ABCA1: variants seen among roughly 807,000 people sequenced by gnomAD.
ABCA1 encodes ATP binding cassette subfamily A member 1, also known as phospholipid-transporting ATPase ABCA1.
Under a neutral mutation model 262.5 loss-of-function variants are expected in ABCA1, and 133 were observed. The observed-to-expected ratio is 0.51, with a 90% CI of 0.44 to 0.59. The LOEUF is 0.59. Ranked by LOEUF, ABCA1 falls within the 20% of genes least tolerant of loss-of-function variation. ABCA1 has a pLI of 0.00. For missense variants in ABCA1, 2,452 were observed against 2,777.5 expected (o/e 0.88, Z 2.63); for synonymous variants, 1,022 against 1,043.5 (o/e 0.98, Z 0.40).
chr9:104,784,454 A>G lies in ABCA1; in HGVS notation c.6647T>C (p.Val2216Ala). ...YSVSQTTLDQ[V>A]FVNFAKDQSD... ...TTGGTCCTTGGCAAAGTTCACAAATACCTGTTAAAAGATTAAGATGGACCT... is the reference window on the plus strand; with the variant it reads ...TTGGTCCTTGGCAAAGTTCACAAATGCCTGTTAAAAGATTAAGATGGACCT... Residue 2216 changes from valine (V) to alanine (A), a missense_variant and splice_region_variant, in exon 50 of 50, where the codon GTA (valine) becomes GCA (alanine). By Grantham distance (64) the Val-to-Ala change is moderately conservative. Coordinates refer to ENST00000374736, the MANE Select transcript of ABCA1 (RefSeq NM_005502.4). 6.2e-7 allele frequency: 1 copy of G among 1,614,058 alleles called. No individual in the cohort carries two copies. Among genetic ancestry groups the G allele is most frequent in the Non-Finnish European group, 8.5e-7 (1 of 1,179,980 alleles).
At chr9:104,926,033 A>G (rs1254577226) in intron 1 of ABCA1, among the ~76,000 whole-genome samples, 1 of 152,174 alleles carries the variant, frequency 6.6e-6, no homozygotes, top group African/African-American at 2.4e-5. Context: ...AAAAGAAAAA[A>G]AAATCAAGAA....
intron 5 of ABCA1, among the ~76,000 whole-genome samples, chr9:104,863,752 T>A (rs751071820): frequency 3.2e-4 from 49 of 152,240 alleles, no homozygotes; most frequent in Admixed American, 5.2e-4. Context: ...CCAGTAGCTG[T>A]TCTTAGGCCC....
intron 6 of ABCA1, among the ~76,000 whole-genome samples, chr9:104,860,755 C>CTTTTTTTTTTTTTT (rs762423202): frequency 8.6e-6 from 1 of 115,864 alleles, no homozygotes; most frequent in East Asian, 2.6e-4. Flanking sequence ...TTATAAAATT[C>CTTTTTTTTTTTTTT]TTTTTTTTTT....
Position 104,840,308 on chromosome 9 carries a change from T to C in ABCA1, c.1025A>G (p.Asp342Gly). The C allele has an allele frequency of 6.2e-7, 1 of 1,614,234 alleles. No individual in the cohort carries two copies. The highest frequency in any genetic ancestry group is 8.5e-7 in the Non-Finnish European group (1 of 1,180,048). The change falls in exon 9 of 50, where the codon GAT (aspartate) becomes GGT (glycine). Residue 342 changes from aspartate to glycine, a missense_variant. Asp to Gly is a moderately conservative substitution (Grantham distance 94, BLOSUM62 -1). Coordinates refer to ENST00000374736, the MANE Select transcript of ABCA1 (RefSeq NM_005502.4). ...AGAGTTGTCATAGAAGGTTTCAGCA[T>C]CTTCCTCAGTGCCATTGCCTCCAAA... ...ALFGGNGTEE[D>G]AETFYDNSTT...
At chr9:104,795,082 G>A (rs778514295) in intron 39 of ABCA1, among the ~76,000 whole-genome samples, 4 of 152,242 alleles carry the variant, frequency 2.6e-5, no homozygotes, top group African/African-American at 7.2e-5. Context: ...GTGGATGTAC[G>A]TTGTACTGGA....
At chr9:104,894,012 C>T (rs79433302) in intron 2 of ABCA1, among the ~76,000 whole-genome samples, 4,890 of 152,194 alleles carry the variant, frequency 0.032, 109 homozygotes, top group African/African-American at 0.056. Context: ...GTATCATTAC[C>T]GTTTTAGAAG....
At chr9:104,835,146 GC>G (rs1487814974) in intron 11 of ABCA1, among the ~76,000 whole-genome samples, 5 of 151,872 alleles carry the variant, frequency 3.3e-5, no homozygotes. Flanking sequence ...TACTCTGGAG[GC>G]TGAGACAGGA....
In ABCA1 at chr9:104,903,662, C is replaced by T; in HGVS notation, c.18G>A (p.Gln6=). The change falls in exon 2 of 50, where the codon CAG becomes CAA. Residue 6 remains glutamine (Q), a synonymous_variant. Coordinates refer to ENST00000374736, the MANE Select transcript of ABCA1 (RefSeq NM_005502.4). ...GGTTCTTCCACAGCAGCAACCTCAG[C>T]TGAGGCCAACAAGCCATGTTCCCTC... MACWP[Q]LRLLLWKNLT... 1 of 1,583,834 alleles carries T rather than the reference C, an allele frequency of 6.3e-7. No homozygotes were observed. Among genetic ancestry groups the T allele is most frequent in the African/African-American group, 1.3e-5 (1 of 74,564 alleles).
intron 5 of ABCA1, among the ~76,000 whole-genome samples, chr9:104,862,285 T>A (rs1836489102): frequency 6.6e-6 from 1 of 151,576 alleles, no homozygotes; most frequent in Non-Finnish European, 1.5e-5. Flanking sequence ...TTTTTTTTTA[T>A]CTTTAGTACA....
chr9:104,812,763 T>C, intron 27 of ABCA1, 41 bp from the exon 28 acceptor site: 1 of 1,613,830 alleles, frequency 6.2e-7, no homozygotes, highest in Non-Finnish European at 8.5e-7. Flanking sequence ...TTATCTTAGG[T>C]GTTTTCGGCA....
Position 104,858,682 on chromosome 9 carries a change from T to C in ABCA1, c.560A>G (p.Tyr187Cys), listed in dbSNP as rs761183605. 20 of 1,614,134 alleles carry C rather than the reference T, an allele frequency of 1.2e-5. No individual in the cohort carries two copies. The South Asian group carries it at 1.4e-4, about 12-fold the overall frequency. The change falls in exon 7 of 50, where the codon TAC becomes TGC. Residue 187 changes from tyrosine to cysteine, a missense_variant. Physicochemically the swap from Tyr to Cys is radical, Grantham distance 194. This residue lies in a region of ABCA1 where 1,032 missense variants were observed against 1,089.7 expected (regional missense o/e 0.95). Transcript: ENST00000374736. The stretch of plus-strand genomic sequence containing the variant: ...GCACAGACTTGTCAAATGTAACTGG[T>C]AGCCTTGCAAAAATACCTGGAAGCA... ...VILHKVFLQG[Y>C]QLHLTSLCNG...
At chr9:104,891,248 G>A (rs1839714486) in intron 2 of ABCA1, among the ~76,000 whole-genome samples, 1 of 151,872 alleles carries the variant, frequency 6.6e-6, no homozygotes, top group Non-Finnish European at 1.5e-5. Flanking sequence ...CTTTGATATG[G>A]TTCTACATTA....
chr9:104,844,233 G>A (rs76729624), intron 8 of ABCA1, among the ~76,000 whole-genome samples: 3,876 of 152,012 alleles, frequency 0.025, 135 homozygotes, highest in African/African-American at 0.088. Context: ...AAATAGCTAC[G>A]GACTTGCAAA....
chr9:104,918,927 A>G (rs976962889), intron 1 of ABCA1, among the ~76,000 whole-genome samples: 2 of 152,222 alleles, frequency 1.3e-5, no homozygotes, highest in Non-Finnish European at 2.9e-5. Flanking sequence ...CTTGTGAAAA[A>G]CAATTACTCC....
intron 27 of ABCA1, among the ~76,000 whole-genome samples, chr9:104,812,934 T>C (rs545820678): frequency 2.0e-5 from 3 of 152,344 alleles, no homozygotes; most frequent in East Asian, 1.9e-4. Context: ...TTTCAGTCCT[T>C]GTCTGATAAG....
chr9:104,793,442 A>G, intron 40 of ABCA1, 142 bp from the exon 41 acceptor site: 1 of 1,221,762 alleles, frequency 8.2e-7, no homozygotes, highest in South Asian at 1.3e-5. Flanking sequence ...AGGAAAAAAG[A>G]GTAACAAGAG....
intron 37 of ABCA1, 71 bp downstream of exon 37, chr9:104,798,350 T>C (rs939260670): frequency 6.4e-7 from 1 of 1,555,014 alleles, no homozygotes; most frequent in South Asian, 1.1e-5. Context: ...GCCAGAGCTC[T>C]TTCTTTCTTA....
rs150283412 is a variant in ABCA1 at position 104,788,006 on chromosome 9, T to C, written c.6118A>G (p.Lys2040Glu). 58 of 1,614,202 alleles carry C rather than the reference T, an allele frequency of 3.6e-5. No homozygotes were observed. In the Admixed American group the frequency reaches 8.2e-4, roughly 23 times the overall value. Residue 2040 changes from lysine to glutamate, a missense_variant, in exon 46 of 50, where the codon AAA (lysine) becomes GAA (glutamate). Coordinates refer to ENST00000374736, the MANE Select transcript of ABCA1 (RefSeq NM_005502.4). ...CCTCCACTATAGTTACCAGCATATT[T>C]TTCTCCATACTTCACGAGGCCCAGT... ...RKLGLVKYGE[K>E]YAGNYSGGNK... is the part of the protein sequence containing the mutation.
rs1828876362 is a variant in ABCA1 at position 104,785,787 on chromosome 9, A to G, written c.6402-148T>C. On this transcript the variant is annotated intron_variant, in intron 48 of 49. Transcript: ENST00000374736. ...TTTCTGAGAGAAGGAACCAGTTATC[A>G]TTTACTAAATACTTATTTTATGTGA... is the stretch of plus-strand genomic sequence containing the variant. The G allele has an allele frequency of 1.2e-5, 10 of 863,220 alleles. No individual in the cohort carries two copies. In the South Asian group the frequency reaches 1.5e-4, roughly 13 times the overall value. The allele number at this position is 863,220 out of a possible 1,614,324, so 53.5% of individuals were successfully genotyped here.
Sources: allele counts gnomAD v4.1 joint callset (sites outside exome capture counted in the v4.1 genomes callset), GRCh38; gene constraint gnomAD v4.1.1; regional missense constraint gnomAD v4.1.1; transcripts MANE v1.5; gene names NCBI Gene and HGNC (gene_info 2026-07-23, HGNC 2026-07-21).